The following CNTN4 variants were observed in gnomAD, a reference collection of about 807,000 sequenced individuals.
The protein encoded by CNTN4 is contactin-4.
A neutral mutation model predicts 122.5 loss-of-function variants in CNTN4; 77 were observed. The observed-to-expected ratio is 0.63, with a 90% CI of 0.52 to 0.76. The LOEUF is 0.76. Ranked by LOEUF, CNTN4 falls within the 30% of genes least tolerant of loss-of-function variation. CNTN4 has a pLI of 0.00. For synonymous variants in CNTN4, 512 were observed against 447.0 expected (o/e 1.15, Z -1.83); for missense variants, 1,256 against 1,259.1 (o/e 1.00, Z 0.04).
chr3:2,859,393 T>C (rs1341631847), intron 7 of CNTN4, among the ~76,000 whole-genome samples: 1 of 152,216 alleles, frequency 6.6e-6, no homozygotes, highest in Non-Finnish European at 1.5e-5. Flanking sequence ...CTCTTCAACA[T>C]TTCATTGCCT....
intron 8 of CNTN4, among the ~76,000 whole-genome samples, chr3:2,879,854 C>G (rs2093887001): frequency 1.3e-5 from 2 of 152,006 alleles, no homozygotes; most frequent in South Asian, 2.1e-4. Context: ...GTAAATTATA[C>G]CTTAAAAACT....
chr3:2,894,848 A>G (rs1192842655), intron 10 of CNTN4, among the ~76,000 whole-genome samples: 3 of 152,210 alleles, frequency 2.0e-5, no homozygotes, highest in Non-Finnish European at 4.4e-5. Context: ...TTTTTATTCT[A>G]TAACTCATTT....
At position 2,308,697 on chromosome 3, in the gene CNTN4, C is replaced by T. The variant is rs564713917; in HGVS notation, c.-144-30481C>T. Among the ~76,000 whole-genome samples, 6 of 152,082 alleles carry T rather than the reference C, an allele frequency of 3.9e-5. No homozygotes were observed. The South Asian group carries it at 1.2e-3, about 32-fold the overall frequency. ...ATTTTCCACATATTTACAAATTTCCCAAATTTGCTTTTAGTTTTGATTGCT... is the reference window on the plus strand; with the variant it reads ...ATTTTCCACATATTTACAAATTTCCTAAATTTGCTTTTAGTTTTGATTGCT... On this transcript the variant is annotated intron_variant, in intron 2 of 24. Coordinates refer to ENST00000418658, the MANE Select transcript of CNTN4 (RefSeq NM_175607.3).
In CNTN4 at chr3:2,841,020, A is replaced by G. The variant is rs1476139977; in HGVS notation, c.454+21439A>G. 3.9e-5 allele frequency among the ~76,000 whole-genome samples: 6 copies of G among 152,130 alleles called. No homozygotes were observed. On this transcript the variant is annotated intron_variant, in intron 7 of 24. Transcript: ENST00000418658. The surrounding 1 kb of genome is among the most constrained non-coding windows in gnomAD (Gnocchi z 4.8). ...CTTCCATCAGCTTTTCTCCTTCTCT[A>G]TTCTGCATTATCATATGAAATCAAA...
chr3:3,021,336 A>G (rs1484513275), intron 14 of CNTN4, among the ~76,000 whole-genome samples: 1 of 152,134 alleles, frequency 6.6e-6, no homozygotes, highest in Non-Finnish European at 1.5e-5. Context: ...TAGAGATGCT[A>G]CCTCAGGATT....
chr3:2,554,245 A>G (rs1158504517), intron 3 of CNTN4, among the ~76,000 whole-genome samples: 2 of 152,146 alleles, frequency 1.3e-5, no homozygotes, highest in African/African-American at 4.8e-5. Flanking sequence ...ATTTTAAGGT[A>G]TTAGTTTCAG....
intron 3 of CNTN4, among the ~76,000 whole-genome samples, chr3:2,442,991 T>C (rs111909998): frequency 1.2e-3 from 185 of 151,946 alleles, no homozygotes; most frequent in African/African-American, 4.3e-3. Flanking sequence ...TTATGAAAAA[T>C]AGGGAGGGTG....
chr3:2,289,187 AAG>A (rs1321313007), intron 2 of CNTN4, among the ~76,000 whole-genome samples: 1 of 152,228 alleles, frequency 6.6e-6, no homozygotes, highest in Non-Finnish European at 1.5e-5. Flanking sequence ...TTATTTTAAA[AAG>A]AAATATTTTA....
chr3:2,158,180 T>G (rs541875715), intron 2 of CNTN4, among the ~76,000 whole-genome samples: 39 of 152,264 alleles, frequency 2.6e-4, no homozygotes, highest in Admixed American at 2.4e-3. Flanking sequence ...CACATCAAAG[T>G]TTATGTTCCA....
chr3:2,208,368 T>A (rs1340766893), intron 2 of CNTN4, among the ~76,000 whole-genome samples: 2 of 152,098 alleles, frequency 1.3e-5, no homozygotes, highest in Non-Finnish European at 2.9e-5. Flanking sequence ...GCAAGAGAAC[T>A]GGAATTAGAA....
chr3:2,594,533 C>T (rs1576145288), intron 4 of CNTN4, among the ~76,000 whole-genome samples: 2 of 151,736 alleles, frequency 1.3e-5, no homozygotes, highest in East Asian at 3.9e-4. Flanking sequence ...ATTCTCCTGC[C>T]TCAGCCTCCC....
intron 8 of CNTN4, among the ~76,000 whole-genome samples, chr3:2,880,953 A>G (rs1432118886): frequency 2.0e-5 from 3 of 152,230 alleles, no homozygotes; most frequent in Non-Finnish European, 4.4e-5. Flanking sequence ...ATGTGCATCC[A>G]GGAGGAAATT....
At chr3:2,545,258 G>T (rs2078196325) in intron 3 of CNTN4, among the ~76,000 whole-genome samples, 1 of 151,938 alleles carries the variant, frequency 6.6e-6, no homozygotes, top group African/African-American at 2.4e-5. Context: ...TTTTGCATTT[G>T]CCTGAGGATT....
At chr3:2,144,578 C>T (rs1034840707) in intron 2 of CNTN4, among the ~76,000 whole-genome samples, 2 of 152,088 alleles carry the variant, frequency 1.3e-5, no homozygotes, top group Non-Finnish European at 2.9e-5. Context: ...CCTTGCCTAA[C>T]TATAGTAGTT....
At chr3:2,769,025 A>G (rs1403641954) in intron 6 of CNTN4, among the ~76,000 whole-genome samples, 1 of 152,186 alleles carries the variant, frequency 6.6e-6, no homozygotes, top group African/African-American at 2.4e-5. Flanking sequence ...CCCTGAAGCC[A>G]AAGAAACACA....
intron 14 of CNTN4, among the ~76,000 whole-genome samples, chr3:3,024,276 C>T (rs985630396): frequency 1.3e-5 from 2 of 148,778 alleles, no homozygotes; most frequent in Non-Finnish European, 3.0e-5. Flanking sequence ...TTCATTTTTT[C>T]TTGAGGAAAA....
At chr3:2,755,829 AC>A (rs1336725764) in intron 6 of CNTN4, among the ~76,000 whole-genome samples, 1 of 152,204 alleles carries the variant, frequency 6.6e-6, no homozygotes, top group African/African-American at 2.4e-5. Context: ...GATTCATCAG[AC>A]TTTTAAAAAA....
intron 9 of CNTN4, 57 bp from the exon 10 acceptor site, chr3:2,886,983 A>G (rs1177376193): frequency 4.7e-6 from 7 of 1,487,166 alleles, no homozygotes; most frequent in Non-Finnish European, 5.6e-6. Flanking sequence ...GTTTAGGTTC[A>G]GATAAAAGGT....
At chr3:3,047,546 G>A (rs13061392) in intron 23 of CNTN4, among the ~76,000 whole-genome samples, 33,539 of 140,834 alleles carry the variant, frequency 0.24, 4,022 homozygotes, top group Middle Eastern at 0.33. Flanking sequence ...ATAACGAAAT[G>A]AAGGCAGAAA....
Sources: allele counts gnomAD v4.1 joint callset (sites outside exome capture counted in the v4.1 genomes callset), GRCh38; gene constraint gnomAD v4.1.1; non-coding constraint Gnocchi (gnomAD v3.1); transcripts MANE v1.5; gene names NCBI Gene and HGNC (gene_info 2026-07-23, HGNC 2026-07-21).